The following ZNHIT3 variants were observed in gnomAD, a reference collection of about 807,000 sequenced individuals.
ZNHIT3 encodes zinc finger HIT-type containing 3, also known as zinc finger HIT domain-containing protein 3.
ZNHIT3 carries 27 observed loss-of-function variants against 19.9 expected under a neutral mutation model. That is an observed-to-expected ratio of 1.36 (90% CI 1.00 to 1.87). The LOEUF (loss-of-function observed/expected upper bound fraction) is 1.87, where lower values mean the gene tolerates loss of function less well. Among genes scored for constraint, ZNHIT3 ranks in the 40% most tolerant of loss-of-function variants. The pLI is 0.00. For missense variants in ZNHIT3, 215 were observed against 185.6 expected (o/e 1.16, Z -0.92); for synonymous variants, 81 against 65.7 (o/e 1.23, Z -1.13).
intron 2 of ZNHIT3, chr17:36,490,663 T>C (rs558469763): frequency 5.3e-5 from 8 of 152,348 alleles, no homozygotes; most frequent in Non-Finnish European, 1.2e-4. Context: ...TGACTCTAGA[T>C]TACTTTGGGT....
At chr17:36,488,835 A>G (rs183688553) in intron 2 of ZNHIT3, among the ~76,000 whole-genome samples, 7 of 152,318 alleles carry the variant, frequency 4.6e-5, no homozygotes, top group East Asian at 1.9e-4. Flanking sequence ...AACACTCGCA[A>G]TCCTCTCTTG....
intron 2 of ZNHIT3, chr17:36,490,254 G>C (rs1450239784): frequency 2.0e-5 from 3 of 152,020 alleles, no homozygotes; most frequent in Non-Finnish European, 4.4e-5. Flanking sequence ...TTTATATATG[G>C]TGACAGATAA....
chr17:36,489,932 TAA>T (rs1422080751), intron 2 of ZNHIT3: 1 of 150,310 alleles, frequency 6.7e-6, no homozygotes, highest in African/African-American at 2.4e-5. Flanking sequence ...TTTGTCCACT[TAA>T]TTTTTTTTTT....
intron 2 of ZNHIT3, chr17:36,490,984 T>A (rs2070713547): frequency 6.6e-6 from 1 of 152,100 alleles, no homozygotes; most frequent in East Asian, 1.9e-4. Flanking sequence ...CCTGGCTTAT[T>A]TATTTTTAAT....
downstream of ZNHIT3, chr17:36,498,434 G>A (rs1189940704): frequency 3.1e-6 from 5 of 1,614,048 alleles, no homozygotes; most frequent in South Asian, 1.1e-5. Flanking sequence ...CCAGGGGCCA[G>A]AGGCGGATTA....
chr17:36,499,049 A>T (rs1296107436), downstream of ZNHIT3: 1 of 1,575,178 alleles, frequency 6.3e-7, no homozygotes, highest in Non-Finnish European at 8.7e-7. Context: ...TCCACTGCCC[A>T]CCCCGACTTC....
intron 3 of ZNHIT3, chr17:36,493,376 G>A (rs2070771264): frequency 5.6e-6 from 1 of 178,666 alleles, no homozygotes; most frequent in African/African-American, 2.4e-5. Context: ...TACCTCCTGG[G>A]TGTCAAGCAC....
chr17:36,499,202 G>A, downstream of ZNHIT3: 2 of 1,476,790 alleles, frequency 1.4e-6, no homozygotes, highest in Non-Finnish European at 1.9e-6. Flanking sequence ...TAATAAAGGG[G>A]CCATTAGAGC....
At position 36,492,867 on chromosome 17, in the gene ZNHIT3, C is replaced by T; in HGVS notation, c.173C>T (p.Pro58Leu). The T allele has an allele frequency of 2.5e-6, 4 of 1,614,210 alleles. No individual in the cohort carries two copies. The highest frequency in any genetic ancestry group is 3.4e-6 in the Non-Finnish European group (4 of 1,180,034). ...PVEKKIRSAL[P>L]TKTVKPVENK... ...GAGAAAAAAATAAGATCAGCTCTTC[C>T]TACCAAAACCGTAAAGCCTGTGGAA... is the stretch of plus-strand genomic sequence containing the variant. The change falls in exon 3 of 5, where the codon CCT (proline) becomes CTT (leucine). Residue 58 changes from proline to leucine, a missense_variant. Pro to Leu is a moderately conservative substitution (Grantham distance 98, BLOSUM62 -3). Transcript: ENST00000617429.
intron 3 of ZNHIT3, chr17:36,493,227 G>C: frequency 2.6e-6 from 1 of 380,756 alleles, no homozygotes; most frequent in Non-Finnish European, 4.8e-6. Context: ...GAATCTGGCT[G>C]GGACTGTCAG....
At chr17:36,496,301 T>C (rs2070960083), downstream of ZNHIT3, 3 of 1,613,930 alleles carry the variant, frequency 1.9e-6, no homozygotes, top group African/African-American at 2.7e-5. Flanking sequence ...AGCCTGTGTC[T>C]TTCCAGCAGA....
chr17:36,495,502 G>C lies in ZNHIT3; in HGVS notation c.*98G>C. The C allele has an allele frequency of 7.1e-7, 1 of 1,410,296 alleles. No individual in the cohort carries two copies. 87.4% of individuals were successfully genotyped at this position (1,410,296 alleles called of 1,614,324 possible). A position where few individuals can be genotyped will look rare whatever the true frequency, so the allele number is the denominator to read the frequency against. ...GCTAGTTTGGGGCTGGGGAGCTCAG[G>C]CAAAAGAGGTTTCCAGGATGCAGAT... On this transcript the variant is annotated 3_prime_UTR_variant, in exon 5 of 5. Coordinates refer to ENST00000617429, the MANE Select transcript of ZNHIT3 (RefSeq NM_004773.4).
downstream of ZNHIT3, chr17:36,498,082 C>A (rs982533007): frequency 2.8e-5 from 17 of 596,746 alleles, no homozygotes; most frequent in Admixed American, 4.4e-4. Context: ...TGGAAGATTC[C>A]CAGTTATAAC....
chr17:36,496,470 C>T, downstream of ZNHIT3: 1 of 1,539,636 alleles, frequency 6.5e-7, no homozygotes, highest in East Asian at 2.3e-5. Flanking sequence ...CCTAACAACC[C>T]CACAGAGCAG....
chr17:36,498,620 G>C, downstream of ZNHIT3: 1 of 1,487,178 alleles, frequency 6.7e-7, no homozygotes, highest in African/African-American at 1.4e-5. Context: ...GCAGAAAATG[G>C]AAATCAAAAC....
Position 36,495,793 on chromosome 17 carries a change from A to T in ZNHIT3, c.*389A>T, listed in dbSNP as rs2070916118. The T allele has an allele frequency of 8.1e-7, 1 of 1,240,430 alleles. No homozygotes were observed. The highest frequency in any genetic ancestry group is 4.0e-5 in the South Asian group (1 of 24,702). 76.8% of individuals were successfully genotyped at this position (1,240,430 alleles called of 1,614,324 possible). On this transcript the variant is annotated 3_prime_UTR_variant, in exon 5 of 5. Coordinates refer to ENST00000617429, the MANE Select transcript of ZNHIT3 (RefSeq NM_004773.4). ...TCATAATTTAATTGTTTGAAATTAC[A>T]TTAAATAAATCAACTAATTAAATAC...
At position 36,495,238 on chromosome 17, in the gene ZNHIT3, T is replaced by G; in HGVS notation, c.302T>G (p.Leu101Ter). ...TAATTTTTAGGGGAATCTGCAACAT[T>G]AAGAAGCTTATTGCTCAATCCACAC... ...NLKNLGESAT[L>*]RSLLLNPHLR... Residue 101 changes from leucine to a stop codon, truncating the protein, a stop_gained, in exon 5 of 5, where the codon TTA becomes TGA. Transcript: ENST00000617429. LOFTEE classifies it high-confidence loss of function. 2 of 1,578,624 alleles carry G rather than the reference T, an allele frequency of 1.3e-6. No individual in the cohort carries two copies. The highest frequency in any genetic ancestry group is 1.7e-6 in the Non-Finnish European group (2 of 1,168,314).
At position 36,493,970 on chromosome 17, in the gene ZNHIT3, GAAGA is replaced by G. The variant is rs761267250; in HGVS notation, c.251_254del (p.Glu84AlafsTer8). ...TGATTTTCTCAATAGTGATGAGGAAGAAGACAGAGTTTCTTTGCAGAATTTAAAG... is the reference window on the plus strand; with the variant it reads ...TGATTTTCTCAATAGTGATGAGGAAGCAGAGTTTCTTTGCAGAATTTAAAG... On this transcript the variant is annotated frameshift_variant, in exon 4 of 5. Coordinates refer to ENST00000617429, the MANE Select transcript of ZNHIT3 (RefSeq NM_004773.4). LOFTEE classifies it high-confidence loss of function. 1.4e-5 allele frequency: 23 copies of G among 1,613,702 alleles called. No homozygotes were observed. The highest frequency in any genetic ancestry group is 1.9e-5 in the Non-Finnish European group (23 of 1,179,744).
At position 36,495,222 on chromosome 17, in the gene ZNHIT3, G is replaced by A; in HGVS notation, c.287-1G>A. 2 of 1,556,270 alleles carry A rather than the reference G, an allele frequency of 1.3e-6. No homozygotes were observed. Among genetic ancestry groups the A allele is most frequent in the Non-Finnish European group, 1.7e-6 (2 of 1,156,152 alleles). On this transcript the variant is annotated splice_acceptor_variant, in intron 4 of 4. Transcript: ENST00000617429. LOFTEE classifies it high-confidence loss of function. ...TGGCTTTTTTTCTTGTTAATTTTTA[G>A]GGGAATCTGCAACATTAAGAAGCTT...
Sources: allele counts gnomAD v4.1 joint callset (sites outside exome capture counted in the v4.1 genomes callset), GRCh38; gene constraint gnomAD v4.1.1; transcripts MANE v1.5; gene names NCBI Gene and HGNC (gene_info 2026-07-23, HGNC 2026-07-21).